Variants in GPC5 observed in about 807,000 individuals in gnomAD.
GPC5 encodes the protein glypican-5.
GPC5 carries 47 observed loss-of-function variants against 53.9 expected under a neutral mutation model. The ratio of observed to expected loss-of-function variants is 0.87; its 90% CI spans 0.69 to 1.11. GPC5 has a LOEUF of 1.11. GPC5 is among the 50% of genes most tolerant of loss of function. The pLI is 0.00. For synonymous variants in GPC5, 286 were observed against 263.3 expected (o/e 1.09, Z -0.84); for missense variants, 748 against 713.1 (o/e 1.05, Z -0.56).
At chr13:92,434,532 T>G (rs1200050993) in intron 7 of GPC5, among the ~76,000 whole-genome samples, 2 of 152,160 alleles carry the variant, frequency 1.3e-5, no homozygotes, top group Non-Finnish European at 2.9e-5. Context: ...GTATTCAAGA[T>G]GACCTTTTCT....
rs149087002 is a variant in GPC5, at chr13:92,116,066, C to T, written c.1402-28764C>T. Among the ~76,000 whole-genome samples the T allele has an allele frequency of 5.2e-3, 789 of 151,956 alleles. 4 individuals carry two copies. Among genetic ancestry groups the T allele is most frequent in the Non-Finnish European group, 8.2e-3 (556 of 67,956 alleles). On this transcript the variant is annotated intron_variant, in intron 6 of 7. Transcript: ENST00000377067. ...AGACATTCAAGACCAGGCTGGGCAA[C>T]ATAGCAGGAAACTATCTCTACAAAA...
chr13:92,361,389 C>T (rs911989966), intron 7 of GPC5, among the ~76,000 whole-genome samples: 1 of 151,606 alleles, frequency 6.6e-6, no homozygotes, highest in African/African-American at 2.4e-5. Context: ...ACTTGGCCTC[C>T]TATTCTGGAA....
At chr13:92,141,196 T>G (rs2041828133) in intron 6 of GPC5, among the ~76,000 whole-genome samples, 1 of 151,770 alleles carries the variant, frequency 6.6e-6, no homozygotes, top group African/African-American at 2.4e-5. Context: ...AATATGAGAG[T>G]GAAAGTGTAC....
intron 1 of GPC5, among the ~76,000 whole-genome samples, chr13:91,412,957 A>G (rs1259073763): frequency 1.3e-5 from 2 of 152,274 alleles, no homozygotes; most frequent in Non-Finnish European, 2.9e-5. Flanking sequence ...TTATGTGGAC[A>G]TTAAATGAAT....
At chr13:91,481,819 AT>A (rs1203929064) in intron 2 of GPC5, among the ~76,000 whole-genome samples, 2 of 152,140 alleles carry the variant, frequency 1.3e-5, no homozygotes, top group Admixed American at 1.3e-4. Flanking sequence ...GGAAGGATGC[AT>A]GTCCTTAACC....
At chr13:92,735,818 A>G (rs981181649) in intron 7 of GPC5, among the ~76,000 whole-genome samples, 15 of 152,034 alleles carry the variant, frequency 9.9e-5, no homozygotes, top group Admixed American at 5.3e-4. Flanking sequence ...GAGAAAGTGT[A>G]AGTTAAGCAT....
chr13:91,666,911 T>C (rs2035127944), intron 2 of GPC5, among the ~76,000 whole-genome samples: 1 of 152,174 alleles, frequency 6.6e-6, no homozygotes, highest in African/African-American at 2.4e-5. Context: ...TATTATTTCT[T>C]TTTTTAATTC....
At chr13:92,716,741 C>CA (rs938726259) in intron 7 of GPC5, among the ~76,000 whole-genome samples, 5 of 151,840 alleles carry the variant, frequency 3.3e-5, no homozygotes, top group Admixed American at 6.6e-5. Context: ...GAAAGAGTAG[C>CA]AAAAAAATAC....
chr13:91,640,913 G>A (rs2034410229), intron 2 of GPC5, among the ~76,000 whole-genome samples: 1 of 152,116 alleles, frequency 6.6e-6, no homozygotes, highest in African/African-American at 2.4e-5. Context: ...TACAGAAAAT[G>A]TGGTGCATAT....
intron 5 of GPC5, among the ~76,000 whole-genome samples, chr13:91,874,994 A>T (rs1368522621): frequency 6.6e-6 from 1 of 152,160 alleles, no homozygotes. Context: ...CTAAAGGAAA[A>T]TATTCAGCAC....
chr13:92,271,002 C>T (rs2042835877), intron 7 of GPC5, among the ~76,000 whole-genome samples: 1 of 152,118 alleles, frequency 6.6e-6, no homozygotes, highest in Non-Finnish European at 1.5e-5. Context: ...TTTGGTTTGG[C>T]CTTCAAAAAG....
intron 7 of GPC5, among the ~76,000 whole-genome samples, chr13:92,495,257 T>C (rs1030363796): frequency 3.9e-5 from 6 of 152,350 alleles, no homozygotes; most frequent in Admixed American, 6.5e-5. Context: ...AAATGTTCTC[T>C]TCATCTTTGA....
intron 6 of GPC5, among the ~76,000 whole-genome samples, chr13:92,001,091 G>T (rs1363999113): frequency 1.3e-5 from 2 of 152,188 alleles, no homozygotes; most frequent in Non-Finnish European, 2.9e-5. Flanking sequence ...ATTTGATCAT[G>T]TTCAGCATTG....
intron 7 of GPC5, among the ~76,000 whole-genome samples, chr13:92,278,833 G>A (rs2042893699): frequency 2.0e-5 from 3 of 151,984 alleles, no homozygotes; most frequent in African/African-American, 7.2e-5. Context: ...AAATCAATTA[G>A]TCATGGATGC....
intron 7 of GPC5, among the ~76,000 whole-genome samples, chr13:92,525,437 A>AGT (rs34946580): frequency 0.096 from 13,102 of 136,462 alleles, 768 homozygotes; most frequent in African/African-American, 0.16. Flanking sequence ...GATAGATTCA[A>AGT]GTGTGTGTGT....
chr13:92,290,983 G>T (rs2042990725), intron 7 of GPC5, among the ~76,000 whole-genome samples: 1 of 152,136 alleles, frequency 6.6e-6, no homozygotes, highest in South Asian at 2.1e-4. Flanking sequence ...ACTCTTGGAA[G>T]GGCCTGCCAG....
chr13:91,976,105 G>A lies in GPC5; in HGVS notation c.1401+68048G>A, dbSNP rs181684506. Among the ~76,000 whole-genome samples the A allele has an allele frequency of 4.2e-4, 64 of 152,034 alleles. 1 individual carries two copies. The East Asian group carries it at 4.9e-3, about 12-fold the overall frequency. On this transcript the variant is annotated intron_variant, in intron 6 of 7. Coordinates refer to ENST00000377067, the MANE Select transcript of GPC5 (RefSeq NM_004466.6). Reference sequence around the variant, plus strand: ...ATGGACACAGGAAGGGGAACATCACGCTCTGGGGACTGTTATGGGGTTGGG... The same window carrying A: ...ATGGACACAGGAAGGGGAACATCACACTCTGGGGACTGTTATGGGGTTGGG...
intron 6 of GPC5, among the ~76,000 whole-genome samples, chr13:92,135,549 A>T (rs2041777420): frequency 6.6e-6 from 1 of 152,194 alleles, no homozygotes; most frequent in African/African-American, 2.4e-5. Flanking sequence ...GGTAAGGATC[A>T]GGAATGGTAA....
intron 6 of GPC5, among the ~76,000 whole-genome samples, chr13:92,029,052 T>A (rs568954611): frequency 6.6e-6 from 1 of 152,322 alleles, no homozygotes; most frequent in East Asian, 1.9e-4. Flanking sequence ...CTTGTGAGCC[T>A]TAACTCAAAC....
Sources: allele counts gnomAD v4.1 joint callset (sites outside exome capture counted in the v4.1 genomes callset), GRCh38; gene constraint gnomAD v4.1.1; transcripts MANE v1.5; gene names NCBI Gene and HGNC (gene_info 2026-07-23, HGNC 2026-07-21).